CUL7: variants seen among roughly 807,000 people sequenced by gnomAD.
CUL7 encodes cullin 7, also known as cullin-7.
In CUL7, 96 loss-of-function variants were observed where a neutral mutation model predicts 177.7. That is an observed-to-expected ratio of 0.54 (90% CI 0.46 to 0.64). The LOEUF (loss-of-function observed/expected upper bound fraction) is 0.64. Ranked by LOEUF, CUL7 falls within the 30% of genes least tolerant of loss-of-function variation. The pLI is 0.00. For synonymous variants in CUL7, 824 were observed against 890.2 expected (o/e 0.93, Z 1.32); for missense variants, 1,893 against 2,187.9 (o/e 0.87, Z 2.69).
chr6:43,049,759 C>T (rs1764247619), intron 6 of CUL7, 97 bp from the exon 7 acceptor site: 1 of 1,521,916 alleles, frequency 6.6e-7, no homozygotes, highest in African/African-American at 1.4e-5. Flanking sequence ...GCACACATAC[C>T]CTCCATCCTG....
At position 43,052,058 on chromosome 6, in the gene CUL7, G is replaced by A. The variant is rs1401743059; in HGVS notation, c.580+151C>T. On this transcript the variant is annotated intron_variant, in intron 2 of 25. Transcript: ENST00000265348. This position sits in a 1 kb window ranked among gnomAD's most constrained non-coding sequence, Gnocchi z 4.5. ...AGATAACCCCCACCCTCACTCCCAT[G>A]CCCACCTCCTTTTCTTCCAACTCTA... is the stretch of plus-strand genomic sequence containing the variant. The A allele has an allele frequency of 1.4e-6, 2 of 1,428,130 alleles. No homozygotes were observed. The highest frequency in any genetic ancestry group is 1.9e-6 in the Non-Finnish European group (2 of 1,057,224). The allele number at this position is 1,428,130 out of a possible 1,614,324, so 88.5% of individuals were successfully genotyped here. A position where few individuals can be genotyped will look rare whatever the true frequency, so the allele number is the denominator to read the frequency against.
At position 43,043,077 on chromosome 6, in the gene CUL7, C is replaced by T; in HGVS notation, c.3459G>A (p.Lys1153=). 1 of 1,614,146 alleles carries T rather than the reference C, an allele frequency of 6.2e-7. No individual in the cohort carries two copies. The highest frequency in any genetic ancestry group is 8.5e-7 in the Non-Finnish European group (1 of 1,180,016). ...CCGCAGGCCTGCTCCTGCCCACCTG[C>T]TTCTCCACCACGGCCCGCCAACAGC... ...LTRCWRAVVE[K]QVNNFLTSSW... The change falls in exon 18 of 26, where the codon AAG becomes AAA. Residue 1153 remains lysine, a synonymous_variant. Transcript: ENST00000265348. This position sits in a 1 kb window ranked among gnomAD's most constrained non-coding sequence, Gnocchi z 4.2.
Position 43,052,907 on chromosome 6 carries a change from G to A in CUL7, c.-8-111C>T. The A allele has an allele frequency of 1.7e-6, 2 of 1,185,342 alleles. No individual in the cohort carries two copies. Among genetic ancestry groups the A allele is most frequent in the Non-Finnish European group, 2.4e-6 (2 of 829,628 alleles). The allele number at this position is 1,185,342 out of a possible 1,614,324, so 73.4% of individuals were successfully genotyped here. Reference sequence around the variant, plus strand: ...ATGGCAACAGCTGTCAGGCGGGGTGGGGTAAAGCCAGGCCCAGGAGTTGCA... The same window carrying A: ...ATGGCAACAGCTGTCAGGCGGGGTGAGGTAAAGCCAGGCCCAGGAGTTGCA... On this transcript the variant is annotated intron_variant, in intron 1 of 25. Transcript: ENST00000265348. The surrounding 1 kb of genome is among the most constrained non-coding windows in gnomAD (Gnocchi z 4.5).
chr6:43,044,755 G>A lies in CUL7; in HGVS notation c.3169C>T (p.Pro1057Ser), dbSNP rs1199884159. The change falls in exon 16 of 26, where the codon CCT (proline) becomes TCT (serine). Residue 1057 changes from proline to serine, a missense_variant. Physicochemically the swap from Pro to Ser is moderately conservative, Grantham distance 74. Transcript: ENST00000265348. Reference sequence around the variant, plus strand: ...GTCCAGATGTCAGGATGGTTACCAGGGGAGGTGATGTTCTGCACCACGGGG... The same window carrying A: ...GTCCAGATGTCAGGATGGTTACCAGAGGAGGTGATGTTCTGCACCACGGGG... ...VSPVVQNITSPDEDGISPLGW... is the reference protein window; with the variant it reads ...VSPVVQNITSSDEDGISPLGW... 1 of 1,609,242 alleles carries A rather than the reference G, an allele frequency of 6.2e-7. No individual in the cohort carries two copies. The highest frequency in any genetic ancestry group is 8.5e-7 in the Non-Finnish European group (1 of 1,175,982).
rs1452979227 is a variant in CUL7, at chr6:43,046,427, G to A, written c.2489-20C>T. On this transcript the variant is annotated intron_variant, in intron 11 of 25. Coordinates refer to ENST00000265348, the MANE Select transcript of CUL7 (RefSeq NM_014780.5). ...TGGAGCCTGGGGGCAAGTGGGAAGG[G>A]GTGGTGGTCACGGTCAGGTAGGGTG... 6.2e-7 allele frequency: 1 copy of A among 1,614,090 alleles called. No homozygotes were observed. Among genetic ancestry groups the A allele is most frequent in the Admixed American group, 1.7e-5 (1 of 60,008 alleles).
Position 43,041,087 on chromosome 6 carries a change from C to T in CUL7, c.3646-12G>A. 6.2e-7 allele frequency: 1 copy of T among 1,613,370 alleles called. No homozygotes were observed. The highest frequency in any genetic ancestry group is 2.2e-5 in the East Asian group (1 of 44,882). The stretch of plus-strand genomic sequence containing the variant: ...AACTGCTCACTCACCTGAGCAATGG[C>T]AGAGCACAGGAAAGCCATGAATGAG... On this transcript the variant is annotated splice_polypyrimidine_tract_variant and intron_variant, in intron 19 of 25. Coordinates refer to ENST00000265348, the MANE Select transcript of CUL7 (RefSeq NM_014780.5).
rs1581944712 is a variant in CUL7, at chr6:43,048,145, T to G, written c.2169+3A>C. 3 of 1,601,182 alleles carry G rather than the reference T, an allele frequency of 1.9e-6. No individual in the cohort carries two copies. In the South Asian group the frequency reaches 3.3e-5, roughly 18 times the overall value. On this transcript the variant is annotated splice_donor_region_variant and intron_variant, in intron 9 of 25. Coordinates refer to ENST00000265348, the MANE Select transcript of CUL7 (RefSeq NM_014780.5). ...GCCTCTCCCCAGAGCAGGGCAGGGG[T>G]ACCTCTCGATCAGTGTTTGGGGACC...
Position 43,047,373 on chromosome 6 carries a change from G to A in CUL7, c.2170-266C>T, listed in dbSNP as rs555933455. Among the ~76,000 whole-genome samples, 14 of 152,244 alleles carry A rather than the reference G, an allele frequency of 9.2e-5. 1 individual carries two copies. In the East Asian group the frequency reaches 2.5e-3, roughly 27 times the overall value. On this transcript the variant is annotated intron_variant, in intron 9 of 25. Transcript: ENST00000265348. ...GGCTGCTGATTATGTTGGCAAAAAC[G>A]GCAGAGAGCATCCCTGGGTTCTTTC...
rs1331376647 is a variant in CUL7, at chr6:43,047,114, G to A, written c.2170-7C>T. 1 of 1,532,584 alleles carries A rather than the reference G, an allele frequency of 6.5e-7. No individual in the cohort carries two copies. The highest frequency in any genetic ancestry group is 9.0e-7 in the Non-Finnish European group (1 of 1,105,904). The allele number at this position is 1,532,584 out of a possible 1,614,324, so 94.9% of individuals were successfully genotyped here. On this transcript the variant is annotated splice_polypyrimidine_tract_variant and splice_region_variant and intron_variant, in intron 9 of 25. Coordinates refer to ENST00000265348, the MANE Select transcript of CUL7 (RefSeq NM_014780.5). Reference sequence around the variant, plus strand: ...AAATCAGTTCCTGGAGCACCTGGGTGGGGACATAAGGGAGGAGATGAATGA... The same window carrying A: ...AAATCAGTTCCTGGAGCACCTGGGTAGGGACATAAGGGAGGAGATGAATGA...
chr6:43,047,049 G>C lies in CUL7; in HGVS notation c.2228C>G (p.Ala743Gly), dbSNP rs1219676801. Residue 743 changes from alanine to glycine, a missense_variant, in exon 10 of 26, where the codon GCC (alanine) becomes GGC (glycine). This residue lies in a region of CUL7 where 973 missense variants were observed against 1,140.9 expected (regional missense o/e 0.85). Transcript: ENST00000265348. The part of the protein sequence containing the change: ...HRLTSVSRDY[A>G]VVLNQLGARD... ...TGCTCCCAGCTGATTCAGCACCACG[G>C]CATAGTCCCTGCTCACTGAGGTCAG... 1.2e-6 allele frequency: 2 copies of C among 1,613,254 alleles called. No individual in the cohort carries two copies. The highest frequency in any genetic ancestry group is 2.7e-5 in the African/African-American group (2 of 74,880).
chr6:43,047,963 G>T, intron 9 of CUL7, 185 bp downstream of exon 9: 1 of 600,846 alleles, frequency 1.7e-6, no homozygotes, highest in Non-Finnish European at 3.0e-6. Context: ...AGAGCGTTTT[G>T]ATTTGTGAAC....
Position 43,037,711 on chromosome 6 carries a change from G to T in CUL7, c.5074C>A (p.Gln1692Lys). Residue 1692 changes from glutamine (Q) to lysine (K), a missense_variant, in exon 26 of 26, where the codon CAG becomes AAG. Around this residue, in one of 5 missense-constraint regions of CUL7, gnomAD observed 248 missense variants for 262.5 expected, o/e 0.94. Transcript: ENST00000265348. ...GVPYASCTAT[Q>K]SFSTFR The stretch of plus-strand genomic sequence containing the variant: ...GGCTACCGGAAGGTAGAGAAGCTCT[G>T]GGTGGCAGTGCAGGAGGCATAGGGC... The T allele has an allele frequency of 6.4e-7, 1 of 1,559,414 alleles. No homozygotes were observed. Among genetic ancestry groups the T allele is most frequent in the African/African-American group, 1.4e-5 (1 of 73,678 alleles).
rs1764300985 is a variant in CUL7 at position 43,050,519 on chromosome 6, C to T, written c.1234-121G>A. On this transcript the variant is annotated intron_variant, in intron 4 of 25. Coordinates refer to ENST00000265348, the MANE Select transcript of CUL7 (RefSeq NM_014780.5). The surrounding 1 kb of genome is among the most constrained non-coding windows in gnomAD (Gnocchi z 4.1). ...ACCTGGCCAGGTTTTAGAAAAACCT[C>T]CACATAACAAAACAGCAGCATATGG... 3.4e-6 allele frequency: 3 copies of T among 883,650 alleles called. No homozygotes were observed. Among genetic ancestry groups the T allele is most frequent in the South Asian group, 2.7e-5 (2 of 73,272 alleles). 54.7% of individuals were successfully genotyped at this position (883,650 alleles called of 1,614,324 possible). A position where few individuals can be genotyped will look rare whatever the true frequency, so the allele number is the denominator to read the frequency against.
rs777832552 is a variant in CUL7 at position 43,042,910 on chromosome 6, C to T, written c.3537G>A (p.Leu1179=). 3 of 1,614,134 alleles carry T rather than the reference C, an allele frequency of 1.9e-6. No individual in the cohort carries two copies. Among genetic ancestry groups the T allele is most frequent in the Admixed American group, 3.3e-5 (2 of 60,024 alleles). Residue 1179 remains leucine, a synonymous_variant, in exon 19 of 26, where the codon CTG becomes CTA. Coordinates refer to ENST00000265348, the MANE Select transcript of CUL7 (RefSeq NM_014780.5). Reference sequence around the variant, plus strand: ...CAAACAGTTCAGAGCTTGAGTTCTGCAGAATATTAAAGTGCTCACAGTAGC... The same window carrying T: ...CAAACAGTTCAGAGCTTGAGTTCTGTAGAATATTAAAGTGCTCACAGTAGC... ...VPRYCEHFNI[L]QNSSSELFGP... is the part of the protein sequence containing the mutation.
At position 43,050,549 on chromosome 6, in the gene CUL7, TACACAC is replaced by T. The variant is rs58059598; in HGVS notation, c.1234-157_1234-152del. On this transcript the variant is annotated intron_variant, in intron 4 of 25. Transcript: ENST00000265348. The surrounding 1 kb of genome is among the most constrained non-coding windows in gnomAD (Gnocchi z 4.1). The stretch of plus-strand genomic sequence containing the variant: ...TAACAAAACAGCAGCATATGGAGAA[TACACAC>T]ACACACACACACACACACACACACA... 0.089 allele frequency: 37,036 copies of T among 414,920 alleles called. 661 individuals are homozygous for T. Among genetic ancestry groups the T allele is most frequent in the East Asian group, 0.13 (2,448 of 19,352 alleles). The allele number at this position is 414,920 out of a possible 1,614,324, so 25.7% of individuals were successfully genotyped here. A position where few individuals can be genotyped will look rare whatever the true frequency, so the allele number is the denominator to read the frequency against.
At chr6:43,041,205 A>T in intron 19 of CUL7, 130 bp from the exon 20 acceptor site, 1 of 799,414 alleles carries the variant, frequency 1.3e-6, no homozygotes, top group Admixed American at 2.0e-5. Flanking sequence ...GCTTTCATAC[A>T]ACTATTTTAT....
Position 43,040,756 on chromosome 6 carries a change from A to C in CUL7, c.3807-10T>G, listed in dbSNP as rs1375210821. The C allele has an allele frequency of 1.2e-6, 2 of 1,613,694 alleles. No homozygotes were observed. Among genetic ancestry groups the C allele is most frequent in the Non-Finnish European group, 1.7e-6 (2 of 1,179,756 alleles). ...GTCCGCCATGTAGTGCCTGCAGTGC[A>C]TGCAGCCCGGGCCAAGCCTCAGTGT... On this transcript the variant is annotated splice_polypyrimidine_tract_variant and intron_variant, in intron 20 of 25. Transcript: ENST00000265348. The surrounding 1 kb of genome is among the most constrained non-coding windows in gnomAD (Gnocchi z 4.2).
chr6:43,048,057 C>A, intron 9 of CUL7, 91 bp downstream of exon 9: 1 of 783,380 alleles, frequency 1.3e-6, no homozygotes, highest in South Asian at 1.4e-5. Flanking sequence ...GGCTCTATCA[C>A]GCCCTCCAGA....
Position 43,050,876 on chromosome 6 carries a change from G to T in CUL7, c.1233+92C>A. 1 of 1,487,230 alleles carries T rather than the reference G, an allele frequency of 6.7e-7. No individual in the cohort carries two copies. The highest frequency in any genetic ancestry group is 9.3e-7 in the Non-Finnish European group (1 of 1,079,542). 92.1% of individuals were successfully genotyped at this position (1,487,230 alleles called of 1,614,324 possible). A position where few individuals can be genotyped will look rare whatever the true frequency, so the allele number is the denominator to read the frequency against. On this transcript the variant is annotated intron_variant, in intron 4 of 25. Coordinates refer to ENST00000265348, the MANE Select transcript of CUL7 (RefSeq NM_014780.5). The surrounding 1 kb of genome is among the most constrained non-coding windows in gnomAD (Gnocchi z 4.1). Reference sequence around the variant, plus strand: ...ATCTTACCTAAAGCTTTCTCTTTGGGTGGCCTGCTGGAGCCCCCCCATATA... The same window carrying T: ...ATCTTACCTAAAGCTTTCTCTTTGGTTGGCCTGCTGGAGCCCCCCCATATA...
Sources: allele counts gnomAD v4.1 joint callset (sites outside exome capture counted in the v4.1 genomes callset), GRCh38; gene constraint gnomAD v4.1.1; regional missense constraint gnomAD v4.1.1; non-coding constraint Gnocchi (gnomAD v3.1); transcripts MANE v1.5; gene names NCBI Gene and HGNC (gene_info 2026-07-23, HGNC 2026-07-21).